The following SGCD variants were observed in gnomAD, a reference collection of about 807,000 sequenced individuals.
SGCD encodes delta-sarcoglycan.
Under a neutral mutation model 36.6 loss-of-function variants are expected in SGCD, and 18 were observed. The ratio of observed to expected loss-of-function variants is 0.49; its 90% confidence interval spans 0.34 to 0.73. The LOEUF (loss-of-function observed/expected upper bound fraction) is 0.73. Among genes scored for constraint, SGCD ranks in the 30% least tolerant of loss-of-function variants. SGCD has a pLI of 0.01. For missense variants in SGCD, 387 were observed against 346.7 expected (o/e 1.12, Z -0.92); for synonymous variants, 133 against 130.6 (o/e 1.02, Z -0.12).
At chr5:156,397,310 A>G (rs1230532209) in intron 3 of SGCD, among the ~76,000 whole-genome samples, 2 of 152,220 alleles carry the variant, frequency 1.3e-5, no homozygotes, top group South Asian at 2.1e-4. Context: ...TTATGCTTCA[A>G]GGTCTACAGA....
chr5:156,349,439 C>T (rs1399862797), intron 3 of SGCD, among the ~76,000 whole-genome samples: 7 of 151,398 alleles, frequency 4.6e-5, no homozygotes, highest in Admixed American at 3.3e-4. Flanking sequence ...GGGCAAATGG[C>T]ATGAATAGAA....
At chr5:156,688,381 T>G (rs570292745) in intron 7 of SGCD, among the ~76,000 whole-genome samples, 28 of 152,334 alleles carry the variant, frequency 1.8e-4, no homozygotes, top group Admixed American at 3.3e-4. Flanking sequence ...TGGGCTTTCA[T>G]AGATATTAGC....
At chr5:156,069,948 T>C (rs1046742573) in intron 1 of SGCD, among the ~76,000 whole-genome samples, 6 of 152,068 alleles carry the variant, frequency 3.9e-5, no homozygotes, top group African/African-American at 1.5e-4. Context: ...TATTGGTGTA[T>C]AAGACTGCTT....
Position 156,364,717 on chromosome 5 carries a change from T to A in SGCD, c.192+20040T>A, listed in dbSNP as rs559761251. Among the ~76,000 whole-genome samples, 10 of 152,342 alleles carry A rather than the reference T, an allele frequency of 6.6e-5. 1 individual carries two copies. In the South Asian group the frequency reaches 1.9e-3, roughly 28 times the overall value. On this transcript the variant is annotated intron_variant, in intron 3 of 8. Coordinates refer to ENST00000337851, the MANE Select transcript of SGCD (RefSeq NM_000337.6). The stretch of plus-strand genomic sequence containing the variant: ...GAGGATAAGAAATGAGGACTGGCTA[T>A]TGTTAGTGACAGGACAGTGCTTCAA...
intron 7 of SGCD, among the ~76,000 whole-genome samples, chr5:156,684,684 G>A (rs1753843715): frequency 6.6e-6 from 1 of 152,152 alleles, no homozygotes; most frequent in African/African-American, 2.4e-5. Context: ...CCCCCAGCAG[G>A]CTGGGAAAAG....
intron 1 of SGCD, among the ~76,000 whole-genome samples, chr5:156,076,585 TA>T (rs1474598552): frequency 1.3e-5 from 2 of 152,178 alleles, no homozygotes; most frequent in African/African-American, 4.8e-5. Context: ...GTTAGCTAGC[TA>T]TGGGATGAAG....
intron 4 of SGCD, among the ~76,000 whole-genome samples, chr5:156,545,433 G>A (rs1279877649): frequency 1.3e-5 from 2 of 152,054 alleles, no homozygotes; most frequent in African/African-American, 4.8e-5. Context: ...TTGGCACCAG[G>A]GAGCAGTTTT....
intron 1 of SGCD, among the ~76,000 whole-genome samples, chr5:156,051,342 A>C (rs1759911007): frequency 6.8e-6 from 1 of 146,086 alleles, no homozygotes; most frequent in African/African-American, 2.5e-5. Context: ...TGAATTACTT[A>C]AGATTCATAA....
the SGCD span, among the ~76,000 whole-genome samples, chr5:155,852,609 C>A: frequency 3.5e-4 from 53 of 152,118 alleles, no homozygotes; most frequent in Non-Finnish European, 6.3e-4. Flanking sequence ...ATTTCTCCTG[C>A]AGTAGAAAAG....
chr5:155,996,013 T>TAAA (rs1758534214), intron 1 of SGCD, among the ~76,000 whole-genome samples: 1 of 137,146 alleles, frequency 7.3e-6, no homozygotes, highest in Non-Finnish European at 1.6e-5. Context: ...AAAAAGAACT[T>TAAA]ACAAAAAAAA....
chr5:155,879,992 G>A (rs1170780862), intron 1 of SGCD, among the ~76,000 whole-genome samples: 2 of 152,252 alleles, frequency 1.3e-5, no homozygotes, highest in Middle Eastern at 3.4e-3. Context: ...CTGGATTGGG[G>A]GAGTTTTGCA....
chr5:156,426,926 T>G (rs1773698274), intron 3 of SGCD, among the ~76,000 whole-genome samples: 1 of 152,198 alleles, frequency 6.6e-6, no homozygotes, highest in Non-Finnish European at 1.5e-5. Context: ...ACCAGTACCA[T>G]GCTGTTTTGG....
At chr5:156,678,750 C>T (rs1173423585) in intron 7 of SGCD, among the ~76,000 whole-genome samples, 1 of 152,152 alleles carries the variant, frequency 6.6e-6, no homozygotes, top group African/African-American at 2.4e-5. Context: ...AGGAAGTATA[C>T]GTGAGCAATT....
chr5:155,754,279 T>G, the SGCD span, among the ~76,000 whole-genome samples: 5,824 of 152,300 alleles, frequency 0.038, 145 homozygotes, highest in Middle Eastern at 0.065. Context: ...AAATGAGATA[T>G]GGGCATGAGA....
At chr5:156,118,561 C>T (rs780450312) in intron 2 of SGCD, among the ~76,000 whole-genome samples, 1 of 152,096 alleles carries the variant, frequency 6.6e-6, no homozygotes, top group Non-Finnish European at 1.5e-5. Flanking sequence ...CAAAGCCCAA[C>T]CCATGTTTAA....
intron 3 of SGCD, among the ~76,000 whole-genome samples, chr5:156,401,950 C>A (rs2127762979): frequency 6.6e-6 from 1 of 152,246 alleles, no homozygotes; most frequent in Non-Finnish European, 1.5e-5. Flanking sequence ...ACCTGGCAAC[C>A]AGCAATCTGC....
At chr5:156,639,895 G>A (rs1762966353) in intron 6 of SGCD, among the ~76,000 whole-genome samples, 1 of 147,406 alleles carries the variant, frequency 6.8e-6, no homozygotes. Context: ...TTTAAATGTT[G>A]GAGTCCCTTA....
chr5:155,871,971 G>T (rs1755664615), intron 1 of SGCD, among the ~76,000 whole-genome samples: 1 of 152,180 alleles, frequency 6.6e-6, no homozygotes, highest in African/African-American at 2.4e-5. Flanking sequence ...AGTTAGAATG[G>T]GACTGTTTGC....
chr5:156,329,933 C>T (rs1391676869), intron 2 of SGCD, among the ~76,000 whole-genome samples: 2 of 143,874 alleles, frequency 1.4e-5, no homozygotes, highest in Middle Eastern at 3.8e-3. Context: ...AGGAGAATGG[C>T]GTGAACCCGG....
Sources: allele counts gnomAD v4.1 joint callset (sites outside exome capture counted in the v4.1 genomes callset), GRCh38; gene constraint gnomAD v4.1.1; transcripts MANE v1.5; gene names NCBI Gene and HGNC (gene_info 2026-07-23, HGNC 2026-07-21).